Variants in RGS6 observed in about 807,000 individuals in gnomAD.
RGS6 encodes the protein regulator of G-protein signaling 6.
A neutral mutation model predicts 78.5 loss-of-function variants in RGS6; 30 were observed. That is an observed-to-expected ratio of 0.38 (90% CI 0.29 to 0.52). RGS6 has a LOEUF of 0.52. Ranked by LOEUF, RGS6 falls within the 20% of genes least tolerant of loss-of-function variation. The pLI is 0.85. For missense variants in RGS6, 495 were observed against 609.7 expected, an observed-to-expected ratio of 0.81 and a Z score of 1.98; for synonymous variants, 206 against 206.0, an observed-to-expected ratio of 1.00 and a Z score of 0.00.
chr14:72,471,681 G>A (rs1026255288), intron 8 of RGS6, among the ~76,000 whole-genome samples: 1 of 152,182 alleles, frequency 6.6e-6, no homozygotes, highest in Non-Finnish European at 1.5e-5. Context: ...CACAGTCTCT[G>A]CCTTTCTCCT....
At chr14:72,223,101 A>C (rs1301178793) in intron 2 of RGS6, among the ~76,000 whole-genome samples, 1 of 152,234 alleles carries the variant, frequency 6.6e-6, no homozygotes, top group Non-Finnish European at 1.5e-5. Flanking sequence ...TTTCCCTTCA[A>C]GAGTTCAAAT....
intron 2 of RGS6, among the ~76,000 whole-genome samples, chr14:72,051,624 A>G (rs1271576375): frequency 9.2e-5 from 14 of 152,192 alleles, no homozygotes; most frequent in Admixed American, 9.2e-4. Flanking sequence ...GGGTACAGAT[A>G]GTTTATCCTA....
intron 3 of RGS6, among the ~76,000 whole-genome samples, chr14:72,383,369 G>A (rs1158115599): frequency 5.3e-5 from 8 of 151,604 alleles, no homozygotes; most frequent in East Asian, 1.9e-4. Context: ...GGATTGTGCC[G>A]ACTCATAAAT....
At chr14:72,364,219 G>C (rs900313301) in intron 3 of RGS6, among the ~76,000 whole-genome samples, 2 of 152,086 alleles carry the variant, frequency 1.3e-5, no homozygotes, top group African/African-American at 2.4e-5. Context: ...GGCTGGTGTT[G>C]AGGTGGTTCC....
At chr14:72,205,198 G>C (rs1444329004) in intron 2 of RGS6, among the ~76,000 whole-genome samples, 1 of 152,070 alleles carries the variant, frequency 6.6e-6, no homozygotes, top group Non-Finnish European at 1.5e-5. Flanking sequence ...TATCTCCTCT[G>C]GGAGTGGATC....
intron 13 of RGS6, among the ~76,000 whole-genome samples, chr14:72,509,704 T>C (rs1475237848): frequency 6.6e-6 from 1 of 152,216 alleles, no homozygotes; most frequent in East Asian, 1.9e-4. Flanking sequence ...TGTACATCAC[T>C]TGGCTTGAAA....
intron 17 of RGS6, chr14:72,547,297 C>T (rs1273943789): frequency 2.0e-6 from 3 of 1,535,524 alleles, no homozygotes; most frequent in Non-Finnish European, 1.7e-6. Context: ...CCAACTCTGC[C>T]TGTGGTCCAG....
chr14:72,569,111 G>A (rs1338217032), downstream of RGS6, among the ~76,000 whole-genome samples: 3 of 137,510 alleles, frequency 2.2e-5, no homozygotes, highest in Non-Finnish European at 4.9e-5. Context: ...GATTCTCTGG[G>A]GTGTGTGTGT....
chr14:72,089,211 C>G (rs1469711470), intron 2 of RGS6, among the ~76,000 whole-genome samples: 1 of 152,200 alleles, frequency 6.6e-6, no homozygotes, highest in Admixed American at 6.5e-5. Context: ...AATAAAAGCA[C>G]AATGGAAAAT....
intron 3 of RGS6, among the ~76,000 whole-genome samples, chr14:72,451,227 A>G (rs2095485636): frequency 6.6e-6 from 1 of 152,242 alleles, no homozygotes; most frequent in Non-Finnish European, 1.5e-5. Context: ...CTGTTGCATC[A>G]GTCTCCAGAT....
At chr14:72,320,539 C>G (rs1450890294) in intron 2 of RGS6, among the ~76,000 whole-genome samples, 1 of 151,938 alleles carries the variant, frequency 6.6e-6, no homozygotes. Context: ...GATCACACCA[C>G]TACACTCCAG....
intron 2 of RGS6, among the ~76,000 whole-genome samples, chr14:72,142,841 A>G (rs78613787): frequency 0.05 from 7,679 of 152,280 alleles, 221 homozygotes; most frequent in Non-Finnish European, 0.07. Flanking sequence ...TTAATGCTGC[A>G]GGAGAGGCCC....
intron 2 of RGS6, among the ~76,000 whole-genome samples, chr14:72,151,408 A>G (rs564586976): frequency 1.3e-5 from 2 of 152,384 alleles, no homozygotes; most frequent in East Asian, 3.9e-4. Context: ...AAAAAACTTA[A>G]TTAAAACTTA....
At chr14:72,444,445 C>T (rs1182931043) in intron 3 of RGS6, among the ~76,000 whole-genome samples, 1 of 152,158 alleles carries the variant, frequency 6.6e-6, no homozygotes, top group Non-Finnish European at 1.5e-5. Context: ...TCTCCTGCCC[C>T]ATCTCCCCAG....
intron 2 of RGS6, among the ~76,000 whole-genome samples, chr14:72,092,329 C>T (rs183726622): frequency 3.3e-5 from 5 of 152,150 alleles, no homozygotes; most frequent in Admixed American, 2.6e-4. Context: ...GGGAAAAGTC[C>T]ACTTGAAGGA....
intron 2 of RGS6, among the ~76,000 whole-genome samples, chr14:72,056,807 A>G (rs1242710129): frequency 1.3e-5 from 2 of 152,232 alleles, no homozygotes; most frequent in African/African-American, 2.4e-5. Context: ...TTTACATGAA[A>G]CACAATAAAC....
intron 2 of RGS6, among the ~76,000 whole-genome samples, chr14:72,196,168 T>G (rs2040085223): frequency 6.6e-6 from 1 of 152,086 alleles, no homozygotes; most frequent in East Asian, 1.9e-4. Flanking sequence ...ACATACAGCC[T>G]CTGGTACGTG....
chr14:72,104,530 C>T (rs2153532319), intron 2 of RGS6, among the ~76,000 whole-genome samples: 1 of 152,278 alleles, frequency 6.6e-6, no homozygotes, highest in East Asian at 1.9e-4. Context: ...TTCAAAATAG[C>T]AGCATTAACC....
In RGS6 at chr14:72,214,194, T is replaced by C. The variant is rs576631110; in HGVS notation, c.85-137901T>C. Among the ~76,000 whole-genome samples the C allele has an allele frequency of 6.5e-3, 971 of 148,642 alleles. 3 individuals carry two copies. Among genetic ancestry groups the C allele is most frequent in the African/African-American group, 0.014 (530 of 39,070 alleles). On this transcript the variant is annotated intron_variant, in intron 2 of 17. Transcript: ENST00000553525. ...ATTTTCTTATTTTTTTTTTTTTTTT[T>C]CACTGGGGTCTCACTCTGTCACCCA...
Sources: allele counts gnomAD v4.1 joint callset (sites outside exome capture counted in the v4.1 genomes callset), GRCh38; gene constraint gnomAD v4.1.1; transcripts MANE v1.5; gene names NCBI Gene and HGNC (gene_info 2026-07-23, HGNC 2026-07-21).